SLC35D4: variants seen among roughly 807,000 people sequenced by gnomAD.
The protein encoded by SLC35D4 is UDP-N-acetylglucosamine transporter SLC35D4.
the SLC35D4 span, chr18:23,259,948 T>C: frequency 7.9e-5 from 12 of 151,754 alleles, no homozygotes; most frequent in African/African-American, 2.9e-4. Flanking sequence ...GCCACACTCC[T>C]TGGGATAATA....
chr18:23,331,748 G>A, the SLC35D4 span, among the ~76,000 whole-genome samples: 2 of 152,126 alleles, frequency 1.3e-5, no homozygotes, highest in Middle Eastern at 3.4e-3. Context: ...CACTCATCCC[G>A]AATCCCCTCT....
the SLC35D4 span, among the ~76,000 whole-genome samples, chr18:23,423,891 A>C: frequency 6.6e-6 from 1 of 152,120 alleles, no homozygotes. Context: ...GGGGGCAGCA[A>C]GGGCTGACCC....
At chr18:23,395,613 A>T in the SLC35D4 span, among the ~76,000 whole-genome samples, 164 of 152,336 alleles carry the variant, frequency 1.1e-3, no homozygotes, top group East Asian at 0.03. Context: ...CAATGCCAGG[A>T]TGGCCTCTCT....
chr18:23,244,726 C>T, the SLC35D4 span, among the ~76,000 whole-genome samples: 1 of 152,198 alleles, frequency 6.6e-6, no homozygotes, highest in African/African-American at 2.4e-5. Flanking sequence ...TGCCTTGTAT[C>T]CTTCCTTCCT....
chr18:23,360,919 T>C, the SLC35D4 span, among the ~76,000 whole-genome samples: 1 of 151,672 alleles, frequency 6.6e-6, no homozygotes, highest in Non-Finnish European at 1.5e-5. Flanking sequence ...CTGACCAACA[T>C]GGTGGAACCC....
the SLC35D4 span, among the ~76,000 whole-genome samples, chr18:23,255,417 G>A: frequency 2.6e-5 from 4 of 152,150 alleles, no homozygotes; most frequent in Non-Finnish European, 4.4e-5. Context: ...GTATTTTTTA[G>A]GTCGGCGCTT....
chr18:23,424,587 C>G, the SLC35D4 span, among the ~76,000 whole-genome samples: 1 of 152,198 alleles, frequency 6.6e-6, no homozygotes, highest in African/African-American at 2.4e-5. Flanking sequence ...TTCGCTAAGT[C>G]CCTCTACCTT....
At chr18:23,413,956 T>TAA in the SLC35D4 span, among the ~76,000 whole-genome samples, 982 of 133,358 alleles carry the variant, frequency 7.4e-3, 16 homozygotes, top group African/African-American at 0.023. Flanking sequence ...AAAAAAAAAT[T>TAA]AAAAAAAAAA....
At chr18:23,309,856 C>T in the SLC35D4 span, 225 of 948,914 alleles carry the variant, frequency 2.4e-4, no homozygotes, top group Non-Finnish European at 3.3e-4. Context: ...TGCCATCAGG[C>T]ACTTCGTTCC....
chr18:23,431,227 C>A, the SLC35D4 span, among the ~76,000 whole-genome samples: 8 of 150,226 alleles, frequency 5.3e-5, no homozygotes, highest in Non-Finnish European at 1.2e-4. Context: ...TTTCCCAGGG[C>A]TACCAGAAGC....
chr18:23,311,832 C>T, the SLC35D4 span, among the ~76,000 whole-genome samples: 1 of 151,696 alleles, frequency 6.6e-6, no homozygotes, highest in African/African-American at 2.4e-5. Flanking sequence ...CTTCATTCCC[C>T]CCACCCCCTT....
chr18:23,292,965 C>T, the SLC35D4 span, among the ~76,000 whole-genome samples: 15 of 152,288 alleles, frequency 9.8e-5, 1 homozygote, highest in South Asian at 1.7e-3. Flanking sequence ...TAAGGCCAGG[C>T]GTGGTGGCTC....
chr18:23,399,352 T>C, the SLC35D4 span, among the ~76,000 whole-genome samples: 1 of 152,348 alleles, frequency 6.6e-6, no homozygotes, highest in African/African-American at 2.4e-5. Context: ...ACCATTACTC[T>C]TTCTTCTGCT....
chr18:23,385,124 T>C, the SLC35D4 span: 2 of 1,520,042 alleles, frequency 1.3e-6, no homozygotes, highest in Non-Finnish European at 1.8e-6. Flanking sequence ...CATAATCATA[T>C]GGTTCTTGAT....
the SLC35D4 span, among the ~76,000 whole-genome samples, chr18:23,244,165 G>A: frequency 6.6e-6 from 1 of 152,214 alleles, no homozygotes; most frequent in Admixed American, 6.5e-5. Context: ...GGGTGTGGGT[G>A]ATCTCAGGGC....
At chr18:23,410,190 T>A in the SLC35D4 span, among the ~76,000 whole-genome samples, 3 of 152,292 alleles carry the variant, frequency 2.0e-5, no homozygotes, top group East Asian at 5.8e-4. Context: ...TTAAAAGATA[T>A]GTGCATTAGG....
the SLC35D4 span, among the ~76,000 whole-genome samples, chr18:23,372,957 C>T: frequency 4.3e-5 from 5 of 117,432 alleles, no homozygotes; most frequent in East Asian, 7.8e-4. Flanking sequence ...TACTGGGGGG[C>T]GGGGGTGGGT....
At chr18:23,288,205 C>A in the SLC35D4 span, among the ~76,000 whole-genome samples, 1 of 152,162 alleles carries the variant, frequency 6.6e-6, no homozygotes, top group Non-Finnish European at 1.5e-5. Flanking sequence ...CCCACATTTC[C>A]TTCTTTCCTG....
the SLC35D4 span, among the ~76,000 whole-genome samples, chr18:23,375,663 G>C: frequency 6.6e-6 from 1 of 152,224 alleles, no homozygotes; most frequent in East Asian, 1.9e-4. Flanking sequence ...CAGTGGGTGG[G>C]GCCAGAAGCT....
Sources: gnomAD v4.1 joint callset for allele counts (sites outside exome capture counted in the v4.1 genomes callset) on GRCh38, gnomAD v4.1.1 for gene constraint, MANE v1.5 for transcripts, NCBI Gene and HGNC (gene_info 2026-07-23, HGNC 2026-07-21) for gene names.